The following SELENOP variants were observed in gnomAD, a reference collection of about 807,000 sequenced individuals.
The protein encoded by SELENOP is selenoprotein P, plasma, 1.
Under a neutral mutation model 41.0 loss-of-function variants are expected in SELENOP, and 36 were observed. That is an observed-to-expected ratio of 0.88 (90% confidence interval 0.67 to 1.16). The LOEUF (loss-of-function observed/expected upper bound fraction) is 1.16, where lower values mean the gene tolerates loss of function less well. Ranked by LOEUF, SELENOP falls within the 50% of genes most tolerant of loss-of-function variation. SELENOP has a pLI of 0.00. For synonymous variants in SELENOP, 144 were observed against 150.8 expected, an observed-to-expected ratio of 0.95 and a Z score of 0.33; for missense variants, 440 against 454.2, an observed-to-expected ratio of 0.97 and a Z score of 0.28.
At chr5:42,809,471 A>C (rs926465330) in intron 1 of SELENOP, among the ~76,000 whole-genome samples, 2 of 152,344 alleles carry the variant, frequency 1.3e-5, no homozygotes, top group Non-Finnish European at 2.9e-5. Context: ...AAATCCTCAC[A>C]AGTAATTCAG....
At chr5:42,806,116 G>C (rs1420792769) in intron 3 of SELENOP, 2 of 152,170 alleles carry the variant, frequency 1.3e-5, no homozygotes, top group East Asian at 3.9e-4. Flanking sequence ...TGGGAAGTGT[G>C]GTGGAAGGAG....
intron 3 of SELENOP, 23 bp from the exon 4 acceptor site, chr5:42,804,796 T>C (rs1012586735): frequency 3.0e-6 from 4 of 1,352,946 alleles, no homozygotes; most frequent in Non-Finnish European, 4.2e-6. Flanking sequence ...ACAAATACAA[T>C]GTCACTATAA....
At position 42,808,194 on chromosome 5, in the gene SELENOP, G is replaced by C. The variant is rs1344126919; in HGVS notation, c.160C>G (p.Leu54Val). The C allele has an allele frequency of 1.9e-6, 3 of 1,575,190 alleles. No individual in the cohort carries two copies. Among genetic ancestry groups the C allele is most frequent in the African/African-American group, 1.4e-5 (1 of 72,780 alleles). The change falls in exon 2 of 5, where the codon CTT becomes GTT. Residue 54 changes from leucine (L) to valine (V), a missense_variant. Coordinates refer to ENST00000514985, the MANE Select transcript of SELENOP (RefSeq NM_005410.4). ...CACAGGTATCAGCTGGCTTGAAGAA[G>C]AGCAACCACAGTCACTGAACCATTG... ...NSNGSVTVVA[L>V]LQASUYLCIL...
At position 42,808,162 on chromosome 5, in the gene SELENOP, C is replaced by T. The variant is rs770721160; in HGVS notation, c.192G>A (p.Leu64=). The T allele has an allele frequency of 6.6e-7, 1 of 1,516,496 alleles. No homozygotes were observed. Among genetic ancestry groups the T allele is most frequent in the Non-Finnish European group, 8.8e-7 (1 of 1,132,616 alleles). The allele number at this position is 1,516,496 out of a possible 1,614,324, so 93.9% of individuals were successfully genotyped here. ...LLQASUYLCI[L]QASKLEDLRV... Reference sequence around the variant, plus strand: ...AAAGACTGTCTTACTTAGATGCCTGCAGTATGCACAGGTATCAGCTGGCTT... The same window carrying T: ...AAAGACTGTCTTACTTAGATGCCTGTAGTATGCACAGGTATCAGCTGGCTT... The change falls in exon 2 of 5, where the codon CTG becomes CTA. Residue 64 remains leucine (L), a synonymous_variant. Transcript: ENST00000514985.
intron 4 of SELENOP, among the ~76,000 whole-genome samples, chr5:42,803,133 C>T (rs1473329499): frequency 6.6e-6 from 1 of 151,800 alleles, no homozygotes; most frequent in Non-Finnish European, 1.5e-5. Flanking sequence ...AAACTCCAAT[C>T]GGATTTGGCA....
At position 42,801,003 on chromosome 5, in the gene SELENOP, T is replaced by G. The variant is rs1368691480; in HGVS notation, c.863A>C (p.Lys288Thr). Reference protein sequence around the residue: ...RKRCINQLLCKLPTDSELAPR... With the variant: ...RKRCINQLLCTLPTDSELAPR... ...AGCCAACTCTGAATCTGTGGGCAAT[T>G]TACAGAGTAATTGATTTATACATCT... Residue 288 changes from lysine (K) to threonine (T), a missense_variant, in exon 5 of 5, where the codon AAA (lysine) becomes ACA (threonine). By Grantham distance (78) the Lys-to-Thr change is moderately conservative (BLOSUM62 -1). Coordinates refer to ENST00000514985, the MANE Select transcript of SELENOP (RefSeq NM_005410.4). 1 of 1,614,194 alleles carries G rather than the reference T, an allele frequency of 6.2e-7. No individual in the cohort carries two copies.
chr5:42,807,023 G>C lies in SELENOP; in HGVS notation c.289C>G (p.Arg97Gly). 1 of 1,583,536 alleles carries C rather than the reference G, an allele frequency of 6.3e-7. No individual in the cohort carries two copies. Among genetic ancestry groups the C allele is most frequent in the Middle Eastern group, 1.8e-4 (1 of 5,636 alleles). ...IVVNHQGISS[R>G]LKYTHLKNKV... is the part of the protein sequence containing the mutation. ...TTCTTAAGATGTGTGTATTTTAATC[G>C]AGAAGAGATTCCTTGATGATTAACA... Residue 97 changes from arginine to glycine, a missense_variant, in exon 3 of 5, where the codon CGA becomes GGA. Arg to Gly is a moderately radical substitution (Grantham distance 125). Transcript: ENST00000514985.
chr5:42,808,274 AAGG>A lies in SELENOP; in HGVS notation c.77_79del (p.Ser26del). 1 of 1,571,678 alleles carries A rather than the reference AAGG, an allele frequency of 6.4e-7. No homozygotes were observed. On this transcript the variant is annotated inframe_deletion, in exon 2 of 5. Coordinates refer to ENST00000514985, the MANE Select transcript of SELENOP (RefSeq NM_005410.4). ...GCTCCAGGCTGGGGGTTGCTTACATAAGGAGCTTTGGTCCTGGCTCTCTGTTCC... is the reference window on the plus strand; with the variant it reads ...GCTCCAGGCTGGGGGTTGCTTACATAAGCTTTGGTCCTGGCTCTCTGTTCC...
chr5:42,800,799 T>C lies in SELENOP; in HGVS notation c.1067A>G (p.Gln356Arg). ...ACTGGCTTCTGTGGGTATAAGCTGC[T>C]GACTTATTTGTCAGGCAGCTGGAGG... ...RLPPAAUQIS[Q>R]QLIPTEASAS... Residue 356 changes from glutamine (Q) to arginine (R), a missense_variant, in exon 5 of 5, where the codon CAG becomes CGG. Gln to Arg is a conservative substitution (Grantham distance 43). Transcript: ENST00000514985. 6.2e-7 allele frequency: 1 copy of C among 1,614,238 alleles called. No homozygotes were observed. The highest frequency in any genetic ancestry group is 8.5e-7 in the Non-Finnish European group (1 of 1,180,028).
intron 3 of SELENOP, chr5:42,806,300 T>C (rs1760327850): frequency 6.6e-6 from 1 of 152,192 alleles, no homozygotes; most frequent in Non-Finnish European, 1.5e-5. Flanking sequence ...CTCCAATAGG[T>C]TGTATATAAA....
intron 1 of SELENOP, among the ~76,000 whole-genome samples, chr5:42,808,781 T>C (rs1760396736): frequency 6.6e-6 from 1 of 151,224 alleles, no homozygotes; most frequent in Non-Finnish European, 1.5e-5. Flanking sequence ...TTAGCCAGGC[T>C]TGGTGGCAGA....
intron 1 of SELENOP, among the ~76,000 whole-genome samples, chr5:42,808,936 A>G (rs529608119): frequency 1.3e-5 from 2 of 151,980 alleles, no homozygotes; most frequent in African/African-American, 4.8e-5. Context: ...AAAAAAACAA[A>G]AGAAGAAGAA....
chr5:42,802,601 C>A (rs1244325891), intron 4 of SELENOP, among the ~76,000 whole-genome samples: 8 of 151,990 alleles, frequency 5.3e-5, no homozygotes, highest in African/African-American at 1.9e-4. Flanking sequence ...TGGTAGTAGT[C>A]TAATTTCTTT....
intron 4 of SELENOP, 47 bp from the exon 5 acceptor site, chr5:42,801,378 G>C: frequency 7.4e-7 from 1 of 1,359,802 alleles, no homozygotes; most frequent in Non-Finnish European, 1.0e-6. Context: ...ATAGAGATAG[G>C]AATAATGCGT....
intron 1 of SELENOP, chr5:42,810,781 GAATGGTGAATAC>G (rs1212031986): frequency 2.8e-6 from 3 of 1,088,514 alleles, no homozygotes; most frequent in Non-Finnish European, 3.4e-6. Flanking sequence ...GCAAGTAGCT[GAATGGTGAATAC>G]AAATGAAAAG....
Position 42,800,466 on chromosome 5 carries a change from A to ATTTG in SELENOP, c.*253_*254insCAAA. On this transcript the variant is annotated 3_prime_UTR_variant, in exon 5 of 5. Coordinates refer to ENST00000514985, the MANE Select transcript of SELENOP (RefSeq NM_005410.4). ...CTATTCTCATTAAAGCAAATAGAAC[A>ATTTG]CTGGAAAAAGAAAAAAAAAGACATA... 3 of 392,194 alleles carry ATTTG rather than the reference A, an allele frequency of 7.6e-6. No homozygotes were observed. Among genetic ancestry groups the ATTTG allele is most frequent in the Non-Finnish European group, 1.4e-5 (3 of 222,100 alleles). The allele number at this position is 392,194 out of a possible 1,614,324, so 24.3% of individuals were successfully genotyped here.
chr5:42,801,074 T>G lies in SELENOP; in HGVS notation c.792A>C (p.Pro264=). ...RQGHPENRDM[P]ASEDLQDLQK... is the part of the protein sequence containing the mutation. ...GTAAATCTTGTAAATCTTCACTTGC[T>G]GGCATATCTCGGTTCTCTGGGTGAC... Residue 264 remains proline, a synonymous_variant, in exon 5 of 5, where the codon CCA becomes CCC. Coordinates refer to ENST00000514985, the MANE Select transcript of SELENOP (RefSeq NM_005410.4). 1.2e-6 allele frequency: 2 copies of G among 1,614,252 alleles called. No homozygotes were observed. Among genetic ancestry groups the G allele is most frequent in the Non-Finnish European group, 1.7e-6 (2 of 1,180,032 alleles).
chr5:42,804,153 T>C (rs891029440), intron 4 of SELENOP, among the ~76,000 whole-genome samples: 12 of 152,176 alleles, frequency 7.9e-5, no homozygotes, highest in Non-Finnish European at 1.6e-4. Context: ...ACATCGATCT[T>C]CAAAAGATGT....
At chr5:42,807,871 A>G (rs1760366555) in intron 2 of SELENOP, 1 of 200,324 alleles carries the variant, frequency 5.0e-6, no homozygotes, top group Non-Finnish European at 9.9e-6. Flanking sequence ...TACATTTTAG[A>G]GCATTTTCAT....
Sources: gnomAD v4.1 joint callset for allele counts (sites outside exome capture counted in the v4.1 genomes callset) on GRCh38, gnomAD v4.1.1 for gene constraint, MANE v1.5 for transcripts, NCBI Gene and HGNC (gene_info 2026-07-23, HGNC 2026-07-21) for gene names.